Variants in COL26A1 observed in about 807,000 individuals in gnomAD.
COL26A1 encodes collagen alpha-1(XXVI) chain.
Under a neutral mutation model 59.3 loss-of-function variants are expected in COL26A1, and 41 were observed. The ratio of observed to expected loss-of-function variants is 0.69; its 90% CI spans 0.54 to 0.90. COL26A1 has a LOEUF of 0.90. Among genes scored for constraint, COL26A1 ranks in the 40% least tolerant of loss-of-function variants. The pLI is 0.00. For synonymous variants in COL26A1, 266 were observed against 256.0 expected (o/e 1.04, Z -0.37); for missense variants, 612 against 602.3 (o/e 1.02, Z -0.17).
chr7:101,468,316 AAAAG>A (rs1165808779), intron 3 of COL26A1, among the ~76,000 whole-genome samples: 1 of 151,870 alleles, frequency 6.6e-6, no homozygotes, highest in Non-Finnish European at 1.5e-5. Flanking sequence ...AAAAAAAAAT[AAAAG>A]AAATTATTTT....
intron 7 of COL26A1, among the ~76,000 whole-genome samples, chr7:101,546,244 A>T (rs1795733076): frequency 6.6e-6 from 1 of 151,910 alleles, no homozygotes; most frequent in South Asian, 2.1e-4. Context: ...GAAGATTTTT[A>T]CTTTAATTTT....
intron 2 of COL26A1, among the ~76,000 whole-genome samples, chr7:101,427,077 G>C (rs1445192448): frequency 6.6e-6 from 1 of 152,156 alleles, no homozygotes; most frequent in East Asian, 1.9e-4. Context: ...TTATCTTTAA[G>C]AGAGGGAGCC....
At chr7:101,489,933 CTCTT>C (rs138474723) in intron 3 of COL26A1, among the ~76,000 whole-genome samples, 20,910 of 80,846 alleles carry the variant, frequency 0.26, 4,608 homozygotes, top group Non-Finnish European at 0.3. Context: ...CTCTCTCTCT[CTCTT>C]TCTTTCTTTC....
chr7:101,363,651 G>C (rs1790965213), intron 1 of COL26A1, among the ~76,000 whole-genome samples: 1 of 151,780 alleles, frequency 6.6e-6, no homozygotes, highest in Non-Finnish European at 1.5e-5. Flanking sequence ...GAAGGTTCGG[G>C]TCCGGCTCCG....
At chr7:101,540,300 G>A (rs1455638923) in intron 5 of COL26A1, among the ~76,000 whole-genome samples, 1 of 152,230 alleles carries the variant, frequency 6.6e-6, no homozygotes, top group Non-Finnish European at 1.5e-5. Context: ...CACTTTGGGA[G>A]GCCGAGAAGG....
intron 8 of COL26A1, among the ~76,000 whole-genome samples, chr7:101,548,176 C>A (rs1029678702): frequency 6.6e-6 from 1 of 152,132 alleles, no homozygotes; most frequent in Non-Finnish European, 1.5e-5. Context: ...AGACTCCTGA[C>A]ATTTGTCCCC....
chr7:101,540,192 G>A, intron 5 of COL26A1, 143 bp downstream of exon 5: 2 of 853,486 alleles, frequency 2.3e-6, no homozygotes, highest in Non-Finnish European at 3.4e-6. Context: ...TAAGCTAACA[G>A]TTGAAAATGG....
At chr7:101,388,199 G>T (rs1032410804) in intron 1 of COL26A1, among the ~76,000 whole-genome samples, 1 of 151,766 alleles carries the variant, frequency 6.6e-6, no homozygotes. Flanking sequence ...TGGGCCGGGC[G>T]CCGTGGCTCA....
chr7:101,440,019 T>C (rs532306157), intron 2 of COL26A1, among the ~76,000 whole-genome samples: 4 of 152,086 alleles, frequency 2.6e-5, no homozygotes, highest in Non-Finnish European at 2.9e-5. Context: ...AAATAAAATA[T>C]GTACACCCTG....
At chr7:101,459,694 T>A (rs1793564851) in intron 3 of COL26A1, among the ~76,000 whole-genome samples, 1 of 152,008 alleles carries the variant, frequency 6.6e-6, no homozygotes, top group South Asian at 2.1e-4. Flanking sequence ...AAGTTGATCA[T>A]CTCCTCAACC....
chr7:101,540,948 C>T (rs1471950640), intron 5 of COL26A1, among the ~76,000 whole-genome samples: 1 of 152,124 alleles, frequency 6.6e-6, no homozygotes, highest in African/African-American at 2.4e-5. Context: ...TCAAGACCAG[C>T]CTGGGCAACA....
At chr7:101,499,624 C>G (rs999336951) in intron 3 of COL26A1, among the ~76,000 whole-genome samples, 1 of 152,038 alleles carries the variant, frequency 6.6e-6, no homozygotes, top group Non-Finnish European at 1.5e-5. Flanking sequence ...GTGGAGGTTA[C>G]AGTGAGCTGA....
intron 3 of COL26A1, among the ~76,000 whole-genome samples, chr7:101,465,708 A>AAAAAG (rs1186437497): frequency 2.0e-4 from 30 of 150,160 alleles, no homozygotes; most frequent in Non-Finnish European, 3.0e-4. Flanking sequence ...AAAAAAAAAA[A>AAAAAG]AAAAGAAAAG....
rs143112610 is a variant in COL26A1, at chr7:101,396,198, G to T, written c.159-23779G>T. On this transcript the variant is annotated intron_variant, in intron 1 of 12. Coordinates refer to ENST00000313669, the MANE Select transcript of COL26A1 (RefSeq NM_001278563.3). ...GGGGATAATTGCTTGAACCCAGGAGGTTGAGGCTGCAGTGAGCCGAGATCG... is the reference window on the plus strand; with the variant it reads ...GGGGATAATTGCTTGAACCCAGGAGTTTGAGGCTGCAGTGAGCCGAGATCG... Among the ~76,000 whole-genome samples, 36 of 152,022 alleles carry T rather than the reference G, an allele frequency of 2.4e-4. No individual in the cohort carries two copies. The East Asian group carries it at 5.8e-3, about 25-fold the overall frequency.
intron 3 of COL26A1, among the ~76,000 whole-genome samples, chr7:101,514,564 G>C (rs1355185471): frequency 6.6e-6 from 1 of 152,064 alleles, no homozygotes; most frequent in Non-Finnish European, 1.5e-5. Context: ...CGGAGAGCAG[G>C]GGACAGTGAG....
chr7:101,415,256 G>T (rs558979174), intron 1 of COL26A1, among the ~76,000 whole-genome samples: 2 of 151,212 alleles, frequency 1.3e-5, no homozygotes, highest in South Asian at 4.2e-4. Context: ...AGGTTCAAGC[G>T]ACTCTTCTGC....
At chr7:101,460,578 T>G (rs1793586449) in intron 3 of COL26A1, among the ~76,000 whole-genome samples, 1 of 152,022 alleles carries the variant, frequency 6.6e-6, no homozygotes, top group South Asian at 2.1e-4. Flanking sequence ...GTCAAGAGTT[T>G]GAGACCATCC....
chr7:101,511,771 T>C (rs1051526424), intron 3 of COL26A1, among the ~76,000 whole-genome samples: 1 of 152,146 alleles, frequency 6.6e-6, no homozygotes, highest in African/African-American at 2.4e-5. Flanking sequence ...GGTGGGAGGA[T>C]TGCATAAGCA....
At chr7:101,436,719 ATT>A (rs112704337) in intron 2 of COL26A1, among the ~76,000 whole-genome samples, 9 of 140,460 alleles carry the variant, frequency 6.4e-5, no homozygotes, top group African/African-American at 1.3e-4. Flanking sequence ...CCAGCATTTC[ATT>A]TTTTTTTTTT....
Sources: allele counts gnomAD v4.1 joint callset (sites outside exome capture counted in the v4.1 genomes callset), GRCh38; gene constraint gnomAD v4.1.1; transcripts MANE v1.5; gene names NCBI Gene and HGNC (gene_info 2026-07-23, HGNC 2026-07-21).